Variants in MSI1 observed in about 807,000 individuals in gnomAD.
MSI1 encodes the protein musashi RNA binding protein 1, also known as RNA-binding protein Musashi homolog 1.
Under a neutral mutation model 54.4 loss-of-function variants are expected in MSI1, and 15 were observed. The observed-to-expected ratio is 0.28, with a 90% CI of 0.18 to 0.42. MSI1 has a LOEUF of 0.42. Among genes scored for constraint, MSI1 ranks in the 20% least tolerant of loss-of-function variants. The probability of loss-of-function intolerance (pLI) is 1.00; values close to 1 mark genes in which losing one functional copy is unlikely to be tolerated. For synonymous variants in MSI1, 200 were observed against 196.5 expected, an observed-to-expected ratio of 1.02 and a Z score of -0.15; for missense variants, 304 against 506.0, an observed-to-expected ratio of 0.60 and a Z score of 3.83.
downstream of MSI1, among the ~76,000 whole-genome samples, chr12:120,340,236 G>A (rs1301823463): frequency 6.6e-6 from 1 of 151,990 alleles, no homozygotes; most frequent in Non-Finnish European, 1.5e-5. Context: ...ACAGGTGCGT[G>A]CCACCACACC....
rs777303504 is a variant in MSI1 at position 120,346,170 on chromosome 12, G to A, written c.1012C>T (p.Pro338Ser). The A allele has an allele frequency of 1.6e-5, 26 of 1,596,452 alleles. No individual in the cohort carries two copies. Among genetic ancestry groups the A allele is most frequent in the African/African-American group, 2.7e-5 (2 of 74,594 alleles). The change falls in exon 13 of 15, where the codon CCT becomes TCT. Residue 338 changes from proline to serine, a missense_variant. Around this residue, in one of 4 missense-constraint regions of MSI1, gnomAD observed 147 missense variants for 231.5 expected, o/e 0.64. Coordinates refer to ENST00000257552, the MANE Select transcript of MSI1 (RefSeq NM_002442.4). The part of the protein sequence containing the change: ...GVSSYISAAS[P>S]APSTGFGHSL... Reference sequence around the variant, plus strand: ...TGGCCGAAGCCGGTGCTGGGGGCAGGGCTGGCGGCGCTGATGTAACTGCTG... The same window carrying A: ...TGGCCGAAGCCGGTGCTGGGGGCAGAGCTGGCGGCGCTGATGTAACTGCTG...
intron 9 of MSI1, among the ~76,000 whole-genome samples, chr12:120,355,415 A>G (rs1051734725): frequency 2.0e-5 from 3 of 152,104 alleles, no homozygotes; most frequent in African/African-American, 7.2e-5. Context: ...AAAAAAAAAA[A>G]AAAAGAAAGA....
At chr12:120,353,589 G>C (rs1467424006) in intron 9 of MSI1, among the ~76,000 whole-genome samples, 1 of 152,170 alleles carries the variant, frequency 6.6e-6, no homozygotes, top group African/African-American at 2.4e-5. Flanking sequence ...GTACTGTTAG[G>C]CACCCCATTT....
intron 9 of MSI1, among the ~76,000 whole-genome samples, chr12:120,355,417 A>G (rs1875024879): frequency 6.6e-6 from 1 of 151,950 alleles, no homozygotes; most frequent in Non-Finnish European, 1.5e-5. Flanking sequence ...AAAAAAAAAA[A>G]AAGAAAGAAA....
chr12:120,358,166 G>A (rs1420895819), intron 7 of MSI1, among the ~76,000 whole-genome samples: 1 of 152,216 alleles, frequency 6.6e-6, no homozygotes, highest in Non-Finnish European at 1.5e-5. Context: ...GCTGTGATGA[G>A]AATACACTCA....
chr12:120,348,932 T>C (rs913542243), intron 11 of MSI1, among the ~76,000 whole-genome samples: 2 of 151,930 alleles, frequency 1.3e-5, no homozygotes, highest in African/African-American at 4.8e-5. Context: ...AAAGATAGGG[T>C]CTTGGTATGT....
At chr12:120,340,796 G>A (rs1210319288), downstream of MSI1, among the ~76,000 whole-genome samples, 1 of 152,002 alleles carries the variant, frequency 6.6e-6, no homozygotes, top group African/African-American at 2.4e-5. Flanking sequence ...TTACAGGTGT[G>A]AGCAACCACA....
chr12:120,368,804 G>C lies in MSI1; in HGVS notation c.100+29C>G, dbSNP rs1344295162. On this transcript the variant is annotated intron_variant, in intron 2 of 14. Coordinates refer to ENST00000257552, the MANE Select transcript of MSI1 (RefSeq NM_002442.4). This position sits in a 1 kb window ranked among gnomAD's most constrained non-coding sequence, Gnocchi z 6.6. Reference sequence around the variant, plus strand: ...CCGGGGGGTCCGGGGTGCCCTGCCGGACCGGCGGGCGCTCCCGGGCTCGCT... The same window carrying C: ...CCGGGGGGTCCGGGGTGCCCTGCCGCACCGGCGGGCGCTCCCGGGCTCGCT... 7.2e-7 allele frequency: 1 copy of C among 1,387,074 alleles called. No individual in the cohort carries two copies. The highest frequency in any genetic ancestry group is 1.5e-5 in the South Asian group (1 of 65,698). 85.9% of individuals were successfully genotyped at this position (1,387,074 alleles called of 1,614,324 possible). A position where few individuals can be genotyped will look rare whatever the true frequency, so the allele number is the denominator to read the frequency against.
intron 14 of MSI1, among the ~76,000 whole-genome samples, chr12:120,344,687 G>T (rs753483906): frequency 7.0e-6 from 1 of 143,534 alleles, no homozygotes; most frequent in Non-Finnish European, 1.5e-5. Context: ...AGCCTGGGTG[G>T]CAGTGAGACC....
chr12:120,359,090 C>A lies in MSI1; in HGVS notation c.403-37G>T, dbSNP rs1565890989. 3.2e-6 allele frequency: 5 copies of A among 1,551,666 alleles called. No individual in the cohort carries two copies. In the East Asian group the frequency reaches 9.8e-5, roughly 30 times the overall value. ...CCCGCCATGGAGGACCCAGCAGATACCAGCGGAACCCACTACCACCAAGGA... is the reference window on the plus strand; with the variant it reads ...CCCGCCATGGAGGACCCAGCAGATAACAGCGGAACCCACTACCACCAAGGA... On this transcript the variant is annotated intron_variant, in intron 6 of 14. Coordinates refer to ENST00000257552, the MANE Select transcript of MSI1 (RefSeq NM_002442.4).
At chr12:120,357,778 C>T (rs1488373564) in intron 8 of MSI1, 38 bp downstream of exon 8, 2 of 1,605,104 alleles carry the variant, frequency 1.2e-6, no homozygotes, top group African/African-American at 1.3e-5. Context: ...AAGTGCTTGG[C>T]TTACAGGCGT....
Position 120,363,152 on chromosome 12 carries a change from T to C in MSI1, c.310-17A>G, listed in dbSNP as rs1419008580. On this transcript the variant is annotated splice_polypyrimidine_tract_variant and intron_variant, in intron 5 of 14. Transcript: ENST00000257552. ...AGTCACCATCTGTTAGGGGAGGGAATGAGAAAGTGGGCATCTGAGTCCTGT... is the reference window on the plus strand; with the variant it reads ...AGTCACCATCTGTTAGGGGAGGGAACGAGAAAGTGGGCATCTGAGTCCTGT... The C allele has an allele frequency of 3.8e-5, 61 of 1,611,110 alleles. No homozygotes were observed. The highest frequency in any genetic ancestry group is 4.9e-5 in the Non-Finnish European group (58 of 1,178,036).
At position 120,341,961 on chromosome 12, in the gene MSI1, A is replaced by AG. The variant is rs1044753719; in HGVS notation, c.*1165dup. 10 of 152,418 alleles carry AG rather than the reference A, an allele frequency of 6.6e-5. No individual in the cohort carries two copies. Among genetic ancestry groups the AG allele is most frequent in the African/African-American group, 2.4e-4 (10 of 41,262 alleles). 9.4% of individuals were successfully genotyped at this position (152,418 alleles called of 1,614,324 possible). On this transcript the variant is annotated 3_prime_UTR_variant, in exon 15 of 15. Coordinates refer to ENST00000257552, the MANE Select transcript of MSI1 (RefSeq NM_002442.4). ...TTCCTTAGAAGGGGGGTCTGGGGTG[A>AG]GGGGCTGCCAAGGGACTCTGGCTGT... is the stretch of plus-strand genomic sequence containing the variant.
chr12:120,348,684 G>A (rs933648745), intron 11 of MSI1, among the ~76,000 whole-genome samples: 1 of 151,908 alleles, frequency 6.6e-6, no homozygotes, highest in Non-Finnish European at 1.5e-5. Flanking sequence ...GGGAGTTCAA[G>A]TCCAGCCTGA....
intron 9 of MSI1, among the ~76,000 whole-genome samples, chr12:120,356,518 A>G (rs1250294941): frequency 6.6e-6 from 1 of 152,198 alleles, no homozygotes; most frequent in Non-Finnish European, 1.5e-5. Flanking sequence ...TTTCCCTGCC[A>G]GATTGTAAAG....
In MSI1 at chr12:120,368,950, C is replaced by A; in HGVS notation, c.60-77G>T. On this transcript the variant is annotated intron_variant, in intron 1 of 14. Transcript: ENST00000257552. The surrounding 1 kb of genome is among the most constrained non-coding windows in gnomAD (Gnocchi z 6.6). ...GCGCAGGGGGCGCGGGCCCGGGCTC[C>A]GGGGAGGCCCGGCCGGACCCGGATC... 1 of 1,222,320 alleles carries A rather than the reference C, an allele frequency of 8.2e-7. No individual in the cohort carries two copies. Among genetic ancestry groups the A allele is most frequent in the Non-Finnish European group, 1.0e-6 (1 of 970,942 alleles). 75.7% of individuals were successfully genotyped at this position (1,222,320 alleles called of 1,614,324 possible). A position where few individuals can be genotyped will look rare whatever the true frequency, so the allele number is the denominator to read the frequency against.
At position 120,351,325 on chromosome 12, in the gene MSI1, C is replaced by T. The variant is rs982037996; in HGVS notation, c.790+19G>A. On this transcript the variant is annotated intron_variant, in intron 11 of 14. Transcript: ENST00000257552. ...CTCCCCATGTGGCCTGAGAGGTATA[C>T]AAAATCCGAGCGACTGACCTGTAAG... The T allele has an allele frequency of 2.5e-6, 4 of 1,610,416 alleles. No homozygotes were observed. The highest frequency in any genetic ancestry group is 1.7e-6 in the Non-Finnish European group (2 of 1,178,282).
chr12:120,361,633 C>G (rs1240243079), intron 6 of MSI1: 2 of 151,672 alleles, frequency 1.3e-5, no homozygotes, highest in East Asian at 2.0e-4. Flanking sequence ...CAGTAGGAGC[C>G]GAGCCGCCAA....
chr12:120,342,308 G>A lies in MSI1; in HGVS notation c.*819C>T, dbSNP rs1002034775. 1 of 152,662 alleles carries A rather than the reference G, an allele frequency of 6.6e-6. No individual in the cohort carries two copies. Among genetic ancestry groups the A allele is most frequent in the African/African-American group, 2.4e-5 (1 of 41,440 alleles). The allele number at this position is 152,662 out of a possible 1,614,324, so 9.5% of individuals were successfully genotyped here. ...TTGACCCTGAGGGCCTGAGAGAGCG[G>A]GCCTGCCGTGGCCACAGCTGAGGCC... On this transcript the variant is annotated 3_prime_UTR_variant, in exon 15 of 15. Coordinates refer to ENST00000257552, the MANE Select transcript of MSI1 (RefSeq NM_002442.4).
Sources: allele counts gnomAD v4.1 joint callset (sites outside exome capture counted in the v4.1 genomes callset), GRCh38; gene constraint gnomAD v4.1.1; regional missense constraint gnomAD v4.1.1; non-coding constraint Gnocchi (gnomAD v3.1); transcripts MANE v1.5; gene names NCBI Gene and HGNC (gene_info 2026-07-23, HGNC 2026-07-21).